Variants in PAK3 observed in about 807,000 individuals in gnomAD.
PAK3 encodes the protein p21 (RAC1) activated kinase 3, also known as serine/threonine-protein kinase PAK 3.
A neutral mutation model predicts 41.0 loss-of-function variants in PAK3; 4 were observed. The observed-to-expected ratio is 0.10, with a 90% confidence interval of 0.05 to 0.22. The LOEUF (loss-of-function observed/expected upper bound fraction) is 0.22. Among genes scored for constraint, PAK3 ranks in the 10% least tolerant of loss-of-function variants. The pLI, the probability that PAK3 is intolerant of heterozygous loss-of-function variation, is 1.00. For missense variants in PAK3, 205 were observed against 409.9 expected (o/e 0.50, Z 4.32); for synonymous variants, 146 against 139.6 (o/e 1.05, Z -0.32).
chrX:111,026,231 CT>C (rs920427241), intron 1 of PAK3, among the ~76,000 whole-genome samples: 4 of 111,540 alleles, frequency 3.6e-5, no homozygotes, highest in Admixed American at 1.9e-4. Flanking sequence ...AACATTCCCC[CT>C]GATAACTGGA....
At chrX:110,993,200 G>C (rs2091680744) in intron 1 of PAK3, among the ~76,000 whole-genome samples, 1 of 111,872 alleles carries the variant, frequency 8.9e-6, no homozygotes, top group Non-Finnish European at 1.9e-5. Flanking sequence ...ACATTAAACT[G>C]TTGGCTCGAA....
At chrX:111,086,640 A>G (rs187203657) in intron 1 of PAK3, among the ~76,000 whole-genome samples, 1 of 111,381 alleles carries the variant, frequency 9.0e-6, no homozygotes, top group East Asian at 2.8e-4. Flanking sequence ...CCCGCAAATT[A>G]CCATGAAAAT....
intron 1 of PAK3, among the ~76,000 whole-genome samples, chrX:111,038,028 C>T (rs963980121): frequency 1.7e-4 from 19 of 111,424 alleles, no homozygotes; most frequent in Non-Finnish European, 3.4e-4. Context: ...ATTATTTGAC[C>T]TCCCTATGCT....
At chrX:111,005,622 G>T (rs752134187) in intron 1 of PAK3, among the ~76,000 whole-genome samples, 2 of 111,471 alleles carry the variant, frequency 1.8e-5, no homozygotes, top group Non-Finnish European at 3.8e-5. Flanking sequence ...CCAATGCTAG[G>T]GAAACTTTGT....
intron 1 of PAK3, among the ~76,000 whole-genome samples, chrX:110,986,756 CGTGTGTGTGTGT>C (rs758904251): frequency 1.9e-5 from 2 of 104,395 alleles, no homozygotes; most frequent in Non-Finnish European, 3.9e-5. Context: ...CAAGTGTACG[CGTGTGTGTGTGT>C]GTGTGTGTGT....
intron 6 of PAK3, chrX:111,146,438 T>G: frequency 3.1e-6 from 2 of 644,634 alleles, no homozygotes; most frequent in Non-Finnish European, 2.5e-6. Context: ...TTCAGACCCA[T>G]TGGTTTCATC....
intron 1 of PAK3, among the ~76,000 whole-genome samples, chrX:111,013,348 T>A (rs1005223891): frequency 8.9e-6 from 1 of 111,740 alleles, no homozygotes; most frequent in African/African-American, 3.3e-5. Context: ...AAATTAGGGA[T>A]TCCCCATCCA....
intron 7 of PAK3, 38 bp downstream of exon 7, chrX:111,147,928 A>T: frequency 9.1e-7 from 1 of 1,099,997 alleles, no homozygotes; most frequent in Non-Finnish European, 1.3e-6. Context: ...TGAAAAAGTA[A>T]TTTCAATTTC....
At chrX:111,055,781 C>G (rs747959930) in intron 1 of PAK3, among the ~76,000 whole-genome samples, 37 of 111,885 alleles carry the variant, frequency 3.3e-4, no homozygotes, top group Non-Finnish European at 5.8e-4. Context: ...GAGCAAACAT[C>G]AGTCTGCAAA....
At chrX:111,009,481 A>G (rs146707531) in intron 1 of PAK3, among the ~76,000 whole-genome samples, 768 of 45,720 alleles carry the variant, frequency 0.017, 4 homozygotes, top group Non-Finnish European at 0.034. Context: ...TCAGCTGCCC[A>G]TTGACCTTAG....
chrX:111,171,056 C>G, intron 10 of PAK3, among the ~76,000 whole-genome samples: 1 of 110,619 alleles, frequency 9.0e-6, no homozygotes, highest in Non-Finnish European at 1.9e-5. Flanking sequence ...AGTATGGTCC[C>G]CCTTTTCCAA....
chrX:111,146,671 A>G (rs1274617167), intron 6 of PAK3: 2 of 441,984 alleles, frequency 4.5e-6, no homozygotes, highest in Non-Finnish European at 7.4e-6. Flanking sequence ...TGCTTGGCTT[A>G]TCTCACTTTT....
chrX:111,040,750 C>T (rs746733395), intron 1 of PAK3, among the ~76,000 whole-genome samples: 1 of 112,368 alleles, frequency 8.9e-6, no homozygotes, highest in Non-Finnish European at 1.9e-5. Context: ...CTCTGCAACT[C>T]TCAGCCCTCT....
chrX:111,089,222 C>T (rs764624004), intron 1 of PAK3, among the ~76,000 whole-genome samples: 8 of 111,697 alleles, frequency 7.2e-5, no homozygotes, highest in African/African-American at 2.6e-4. Flanking sequence ...TGGGGGAACT[C>T]GGTGAAAGAT....
intron 1 of PAK3, among the ~76,000 whole-genome samples, chrX:111,086,727 AAC>A (rs1603168624): frequency 9.0e-6 from 1 of 111,430 alleles, no homozygotes; most frequent in Non-Finnish European, 1.9e-5. Flanking sequence ...CACCATAGCG[AAC>A]ACAGTTAAGC....
At chrX:111,043,361 C>G (rs2092469774) in intron 1 of PAK3, among the ~76,000 whole-genome samples, 2 of 111,336 alleles carry the variant, frequency 1.8e-5, no homozygotes, top group South Asian at 7.6e-4. Context: ...TACTTTTACC[C>G]TGCTCATGGA....
At chrX:111,119,256 A>G (rs150973458) in intron 4 of PAK3, among the ~76,000 whole-genome samples, 2 of 112,267 alleles carry the variant, frequency 1.8e-5, no homozygotes, top group East Asian at 5.6e-4. Context: ...AGGGCTGAAT[A>G]AAAAAATATA....
intron 17 of PAK3, among the ~76,000 whole-genome samples, chrX:111,219,845 C>A (rs1468085912): frequency 9.0e-6 from 1 of 110,628 alleles, no homozygotes; most frequent in Non-Finnish European, 1.9e-5. Context: ...ATGGAAGAGA[C>A]CCAATATGGT....
intron 16 of PAK3, 36 bp downstream of exon 16, chrX:111,196,676 G>A: frequency 1.0e-6 from 1 of 988,006 alleles, no homozygotes; most frequent in Non-Finnish European, 1.4e-6. Flanking sequence ...TTTATTCCCA[G>A]GAAAGAGGAA....
Sources: allele counts gnomAD v4.1 joint callset (sites outside exome capture counted in the v4.1 genomes callset), GRCh38; gene constraint gnomAD v4.1.1; transcripts MANE v1.5; gene names NCBI Gene and HGNC (gene_info 2026-07-23, HGNC 2026-07-21).